The following CDH19 variants were observed in gnomAD, a reference collection of about 807,000 sequenced individuals.
CDH19 encodes cadherin 19.
A neutral mutation model predicts 64.2 loss-of-function variants in CDH19; 67 were observed. The observed-to-expected ratio is 1.04, with a 90% CI of 0.86 to 1.28. The LOEUF (loss-of-function observed/expected upper bound fraction) is 1.28. Ranked by LOEUF, CDH19 falls within the 50% of genes most tolerant of loss-of-function variation. CDH19 has a pLI of 0.00. For missense variants in CDH19, 1,030 were observed against 929.0 expected (o/e 1.11, Z -1.41); for synonymous variants, 346 against 319.3 (o/e 1.08, Z -0.89).
chr18:66,523,716 G>C (rs1786454), intron 9 of CDH19, among the ~76,000 whole-genome samples: 40,966 of 151,584 alleles, frequency 0.27, 6,348 homozygotes, highest in African/African-American at 0.42. Context: ...CTGTATGTGC[G>C]TCTGGGGAAA....
At chr18:66,548,276 T>C (rs1004563523) in intron 5 of CDH19, among the ~76,000 whole-genome samples, 3 of 147,624 alleles carry the variant, frequency 2.0e-5, no homozygotes, top group African/African-American at 7.4e-5. Context: ...TTTAAAAATA[T>C]ATAATATATG....
intron 1 of CDH19, among the ~76,000 whole-genome samples, chr18:66,588,732 A>C (rs1988655721): frequency 6.6e-6 from 1 of 151,078 alleles, no homozygotes; most frequent in Non-Finnish European, 1.5e-5. Context: ...GAAATATGTC[A>C]TAGGGACTAA....
chr18:66,596,226 G>C (rs1988884234), intron 1 of CDH19: 1 of 152,084 alleles, frequency 6.6e-6, no homozygotes, highest in Non-Finnish European at 1.5e-5. Flanking sequence ...GCAAGCGCTG[G>C]AAACATTTCC....
At chr18:66,554,982 A>G (rs922615953) in intron 3 of CDH19, among the ~76,000 whole-genome samples, 2 of 151,862 alleles carry the variant, frequency 1.3e-5, no homozygotes, top group African/African-American at 4.8e-5. Flanking sequence ...AGCTTGAAAG[A>G]GTATCCAGTT....
chr18:66,560,802 A>G (rs1442067474), intron 3 of CDH19, among the ~76,000 whole-genome samples: 1 of 152,050 alleles, frequency 6.6e-6, no homozygotes, highest in Non-Finnish European at 1.5e-5. Flanking sequence ...TAACCTCTTT[A>G]GTCTCTCTTC....
At chr18:66,543,634 C>T (rs375671760) in intron 7 of CDH19, among the ~76,000 whole-genome samples, 4 of 151,918 alleles carry the variant, frequency 2.6e-5, no homozygotes, top group Non-Finnish European at 5.9e-5. Flanking sequence ...CCTGTAATGC[C>T]AGCATTTTGG....
intron 1 of CDH19, among the ~76,000 whole-genome samples, chr18:66,587,644 G>T (rs1204475618): frequency 6.6e-6 from 1 of 152,022 alleles, no homozygotes; most frequent in Non-Finnish European, 1.5e-5. Flanking sequence ...ACACTGAAAG[G>T]CCTATGAATA....
chr18:66,573,893 C>CCACACACA (rs140587493), intron 1 of CDH19, among the ~76,000 whole-genome samples: 1,497 of 145,188 alleles, frequency 0.01, 14 homozygotes, highest in East Asian at 0.047. Flanking sequence ...ACCACTGAAG[C>CCACACACA]CACACACACA....
chr18:66,599,184 G>A (rs1599049184), intron 1 of CDH19, among the ~76,000 whole-genome samples: 1 of 151,926 alleles, frequency 6.6e-6, no homozygotes, highest in African/African-American at 2.4e-5. Flanking sequence ...AACATAAAAC[G>A]TGGTGCCAGA....
At chr18:66,558,047 G>T (rs896874742) in intron 3 of CDH19, among the ~76,000 whole-genome samples, 2 of 151,330 alleles carry the variant, frequency 1.3e-5, no homozygotes, top group African/African-American at 2.4e-5. Context: ...AACTCCTGTA[G>T]GTATTTTTCT....
chr18:66,601,770 C>T (rs1989042876), intron 1 of CDH19, among the ~76,000 whole-genome samples: 1 of 151,676 alleles, frequency 6.6e-6, no homozygotes, highest in Non-Finnish European at 1.5e-5. Context: ...TTTTGACAGG[C>T]TTTAGAGCAT....
At chr18:66,517,760 T>C (rs1365626595) in intron 9 of CDH19, among the ~76,000 whole-genome samples, 1 of 152,078 alleles carries the variant, frequency 6.6e-6, no homozygotes, top group Non-Finnish European at 1.5e-5. Context: ...TAAAAATATG[T>C]ATAAAATATT....
At chr18:66,576,387 T>C (rs1002326594) in intron 1 of CDH19, among the ~76,000 whole-genome samples, 5 of 151,438 alleles carry the variant, frequency 3.3e-5, no homozygotes, top group Admixed American at 2.6e-4. Context: ...ACAATGGCCA[T>C]AATATTAGAT....
At chr18:66,584,571 C>T (rs561421241) in intron 1 of CDH19, among the ~76,000 whole-genome samples, 8 of 152,100 alleles carry the variant, frequency 5.3e-5, no homozygotes, top group African/African-American at 1.9e-4. Context: ...CACTCATGCA[C>T]ACATGAATAT....
At chr18:66,529,088 A>T (rs1246770076) in intron 9 of CDH19, among the ~76,000 whole-genome samples, 2 of 152,060 alleles carry the variant, frequency 1.3e-5, no homozygotes, top group Admixed American at 1.3e-4. Flanking sequence ...ACATTTTACA[A>T]ATAAAAAAGT....
In CDH19 at chr18:66,503,455, G is replaced by A. The variant is rs1329095637; in HGVS notation, c.*1357C>T. 1 of 151,760 alleles carries A rather than the reference G, an allele frequency of 6.6e-6. No homozygotes were observed. Among genetic ancestry groups the A allele is most frequent in the Admixed American group, 6.6e-5 (1 of 15,198 alleles). 9.4% of individuals were successfully genotyped at this position (151,760 alleles called of 1,614,324 possible). A position where few individuals can be genotyped will look rare whatever the true frequency, so the allele number is the denominator to read the frequency against. ...CCATGAATGGTAAGTCAGTTCAGTT[G>A]ATCATAATATTTACAGTGAATAGTA... On this transcript the variant is annotated 3_prime_UTR_variant, in exon 12 of 12. Coordinates refer to ENST00000262150, the MANE Select transcript of CDH19 (RefSeq NM_021153.4).
intron 10 of CDH19, among the ~76,000 whole-genome samples, 169 bp downstream of exon 10, chr18:66,511,399 A>G (rs954414022): frequency 1.3e-5 from 2 of 151,708 alleles, no homozygotes; most frequent in African/African-American, 4.8e-5. Context: ...CAATATTTTT[A>G]GAACTTAACA....
At chr18:66,588,031 T>C (rs1466494811) in intron 1 of CDH19, among the ~76,000 whole-genome samples, 1 of 152,156 alleles carries the variant, frequency 6.6e-6, no homozygotes, top group Non-Finnish European at 1.5e-5. Flanking sequence ...TTCAGTGTAA[T>C]ATTGATGAGA....
chr18:66,528,784 A>G (rs916475494), intron 9 of CDH19, among the ~76,000 whole-genome samples: 8 of 152,104 alleles, frequency 5.3e-5, no homozygotes, highest in Admixed American at 1.3e-4. Context: ...GGTTACTAAC[A>G]TTTATTGAAA....
Sources: gnomAD v4.1 joint callset for allele counts (sites outside exome capture counted in the v4.1 genomes callset) on GRCh38, gnomAD v4.1.1 for gene constraint, MANE v1.5 for transcripts, NCBI Gene and HGNC (gene_info 2026-07-23, HGNC 2026-07-21) for gene names.